TRIP4: variants seen among roughly 807,000 people sequenced by gnomAD.
TRIP4 encodes activating signal cointegrator 1.
Under a neutral mutation model 81.8 loss-of-function variants are expected in TRIP4, and 54 were observed. The ratio of observed to expected loss-of-function variants is 0.66; its 90% CI spans 0.53 to 0.83. The LOEUF (loss-of-function observed/expected upper bound fraction) is 0.83, where lower values mean the gene tolerates loss of function less well. Among genes scored for constraint, TRIP4 ranks in the 40% least tolerant of loss-of-function variants. The probability of loss-of-function intolerance (pLI) is 0.00; values close to 1 mark genes in which losing one functional copy is unlikely to be tolerated. For synonymous variants in TRIP4, 270 were observed against 242.8 expected, an observed-to-expected ratio of 1.11 and a Z score of -1.04; for missense variants, 662 against 683.6, an observed-to-expected ratio of 0.97 and a Z score of 0.35.
chr15:64,401,014 A>T (rs1891489022), intron 5 of TRIP4, among the ~76,000 whole-genome samples, 193 bp downstream of exon 5: 1 of 150,408 alleles, frequency 6.6e-6, no homozygotes, highest in Non-Finnish European at 1.5e-5. Context: ...CAGGCTGGAG[A>T]GCAGTGACGC....
chr15:64,436,464 C>T (rs192047406), intron 11 of TRIP4, among the ~76,000 whole-genome samples: 14 of 147,254 alleles, frequency 9.5e-5, no homozygotes, highest in African/African-American at 3.0e-4. Context: ...TGGTGGCGGG[C>T]GCCTGTAATC....
intron 8 of TRIP4, among the ~76,000 whole-genome samples, chr15:64,418,108 TTTG>T (rs570595221): frequency 5.9e-4 from 90 of 152,060 alleles, no homozygotes; most frequent in African/African-American, 1.9e-3. Flanking sequence ...TTATTTTTCA[TTTG>T]TTGTTGTTGT....
intron 1 of TRIP4, 38 bp downstream of exon 1, chr15:64,388,002 G>T: frequency 2.6e-6 from 4 of 1,529,308 alleles, no homozygotes; most frequent in Non-Finnish European, 3.5e-6. Context: ...AAGGAGCTCT[G>T]GGATGTGCAC....
chr15:64,405,488 A>C (rs1478216569), intron 5 of TRIP4, among the ~76,000 whole-genome samples: 1 of 152,158 alleles, frequency 6.6e-6, no homozygotes, highest in African/African-American at 2.4e-5. Context: ...AACTCAGTAA[A>C]TTTATAGTCA....
intron 1 of TRIP4, among the ~76,000 whole-genome samples, chr15:64,391,042 C>T (rs1361640187): frequency 2.0e-5 from 3 of 152,190 alleles, no homozygotes; most frequent in Admixed American, 2.0e-4. Context: ...ATTTGCTGTG[C>T]CTTGCCTGGC....
intron 3 of TRIP4, 105 bp downstream of exon 3, chr15:64,395,636 T>C: frequency 1.6e-6 from 2 of 1,274,278 alleles, no homozygotes; most frequent in Non-Finnish European, 2.1e-6. Context: ...TGGCAATTTT[T>C]CAACAAATGC....
chr15:64,407,540 G>T (rs927364396), intron 6 of TRIP4, among the ~76,000 whole-genome samples: 1 of 152,076 alleles, frequency 6.6e-6, no homozygotes, highest in Admixed American at 6.6e-5. Context: ...GGTGGCAGGT[G>T]CCTGTAGTCC....
chr15:64,401,165 G>A (rs1383268749), intron 5 of TRIP4, among the ~76,000 whole-genome samples: 5 of 145,212 alleles, frequency 3.4e-5, no homozygotes, highest in African/African-American at 7.7e-5. Flanking sequence ...ATGGAGTCTC[G>A]CTCTGTCACC....
chr15:64,446,447 G>A (rs1346202561), intron 12 of TRIP4, among the ~76,000 whole-genome samples: 15 of 134,566 alleles, frequency 1.1e-4, no homozygotes, highest in African/African-American at 3.6e-4. Context: ...CTCTGTCTCC[G>A]AGGCTGGAGT....
intron 12 of TRIP4, among the ~76,000 whole-genome samples, chr15:64,452,422 A>C (rs932825836): frequency 2.0e-5 from 3 of 152,216 alleles, no homozygotes; most frequent in Non-Finnish European, 2.9e-5. Context: ...TATAATGCAA[A>C]TATTCCAAAA....
rs1464870301 is a variant in TRIP4, at chr15:64,432,574, C to T, written c.1575+6943C>T. Reference sequence around the variant, plus strand: ...ACGGTGAGCCGAGATTGCGCCACTGCACTCCAGCCTGGGTGACAGAGCAAG... The same window carrying T: ...ACGGTGAGCCGAGATTGCGCCACTGTACTCCAGCCTGGGTGACAGAGCAAG... On this transcript the variant is annotated intron_variant, in intron 11 of 12. Coordinates refer to ENST00000261884, the MANE Select transcript of TRIP4 (RefSeq NM_016213.5). Among the ~76,000 whole-genome samples, 14 of 147,770 alleles carry T rather than the reference C, an allele frequency of 9.5e-5. No homozygotes were observed. In the East Asian group the frequency reaches 1.0e-3, roughly 11 times the overall value.
At position 64,418,675 on chromosome 15, in the gene TRIP4, G is replaced by C. The variant is rs113596176; in HGVS notation, c.1305G>C (p.Trp435Cys). 1,156 of 1,614,034 alleles carry C rather than the reference G, an allele frequency of 7.2e-4. 4 individuals carry two copies. In the Middle Eastern group the frequency reaches 9.3e-3, roughly 13 times the overall value. Residue 435 changes from tryptophan to cysteine, a missense_variant, in exon 9 of 13, where the codon TGG becomes TGC. Coordinates refer to ENST00000261884, the MANE Select transcript of TRIP4 (RefSeq NM_016213.5). The part of the protein sequence containing the change: ...QEFQEGFDGG[W>C]CLSVHQPWAS... ...TTCAGGAAGGCTTTGATGGTGGCTG[G>C]TGCCTCTCTGTACATCAGCCCTGGG...
At position 64,438,269 on chromosome 15, in the gene TRIP4, A is replaced by G. The variant is rs572378006; in HGVS notation, c.1576-6737A>G. On this transcript the variant is annotated intron_variant, in intron 11 of 12. Transcript: ENST00000261884. The stretch of plus-strand genomic sequence containing the variant: ...GAGAAGTCTTCAGCATTCTGAGGTA[A>G]TAGTCTCAGAGTGGACTTTGTTGGT... 3.4e-4 allele frequency among the ~76,000 whole-genome samples: 52 copies of G among 152,332 alleles called. 1 individual carries two copies. The highest frequency in any genetic ancestry group is 6.8e-3 in the Middle Eastern group (2 of 294).
chr15:64,438,321 C>T (rs1892445457), intron 11 of TRIP4, among the ~76,000 whole-genome samples: 1 of 152,132 alleles, frequency 6.6e-6, no homozygotes, highest in Non-Finnish European at 1.5e-5. Context: ...TACTGTCATT[C>T]ATTCATTCAT....
chr15:64,448,037 T>C (rs1892672881), intron 12 of TRIP4, among the ~76,000 whole-genome samples: 1 of 152,176 alleles, frequency 6.6e-6, no homozygotes, highest in Non-Finnish European at 1.5e-5. Context: ...CTCCCTCTGT[T>C]TTGGTTCTAG....
rs1900263561 is a variant in TRIP4 at position 64,395,457 on chromosome 15, AACAG to A, written c.336_339del (p.Gln113LysfsTer30). 3 of 1,614,048 alleles carry A rather than the reference AACAG, an allele frequency of 1.9e-6. No individual in the cohort carries two copies. The highest frequency in any genetic ancestry group is 1.3e-5 in the African/African-American group (1 of 75,054). ...AAAGCGGGGTAGGAAGAAAGGGAGA[AACAG>A]ACAGGAAGTTCCTGCATTTACTGAA... On this transcript the variant is annotated frameshift_variant, in exon 3 of 13. Coordinates refer to ENST00000261884, the MANE Select transcript of TRIP4 (RefSeq NM_016213.5). LOFTEE classifies it high-confidence loss of function.
chr15:64,446,512 C>T (rs1489810197), intron 12 of TRIP4, among the ~76,000 whole-genome samples: 1 of 148,438 alleles, frequency 6.7e-6, no homozygotes, highest in African/African-American at 2.5e-5. Context: ...TCAAGCGATT[C>T]TCCTGCCTCA....
chr15:64,391,454 C>G (rs1012388772), intron 1 of TRIP4, among the ~76,000 whole-genome samples: 2 of 151,954 alleles, frequency 1.3e-5, no homozygotes, highest in Non-Finnish European at 2.9e-5. Flanking sequence ...TGCACCCGGC[C>G]TTAACTTTCT....
intron 12 of TRIP4, among the ~76,000 whole-genome samples, chr15:64,451,965 A>T (rs1170465841): frequency 6.6e-6 from 1 of 150,870 alleles, no homozygotes; most frequent in African/African-American, 2.4e-5. Context: ...AAAAAAAAAA[A>T]AAATTTTTTT....
Sources: gnomAD v4.1 joint callset for allele counts (sites outside exome capture counted in the v4.1 genomes callset) on GRCh38, gnomAD v4.1.1 for gene constraint, MANE v1.5 for transcripts, NCBI Gene and HGNC (gene_info 2026-07-23, HGNC 2026-07-21) for gene names.